Variants in APOOL observed in about 807,000 individuals in gnomAD.
The protein encoded by APOOL is MICOS complex subunit MIC27.
In APOOL, 12 loss-of-function variants were observed where a neutral mutation model predicts 23.1. The observed-to-expected ratio is 0.52, with a 90% CI of 0.33 to 0.84. APOOL has a LOEUF of 0.84. APOOL is among the 40% of genes least tolerant of loss of function. APOOL has a pLI of 0.02. For synonymous variants in APOOL, 77 were observed against 69.9 expected, an observed-to-expected ratio of 1.10 and a Z score of -0.51; for missense variants, 212 against 199.6, an observed-to-expected ratio of 1.06 and a Z score of -0.37.
chrX:85,010,101 A>C (rs755147632), intron 1 of APOOL, among the ~76,000 whole-genome samples: 2 of 111,362 alleles, frequency 1.8e-5, no homozygotes, highest in East Asian at 5.7e-4. Context: ...TAGTGCTGTC[A>C]AGCTACCCTT....
At chrX:85,063,554 T>C (rs1923320667) in intron 5 of APOOL, among the ~76,000 whole-genome samples, 1 of 111,710 alleles carries the variant, frequency 9.0e-6, no homozygotes, top group Admixed American at 9.5e-5. Flanking sequence ...ACCTAGTTTA[T>C]TGAGAGTTTT....
At chrX:85,007,927 T>G (rs1921132484) in intron 1 of APOOL, among the ~76,000 whole-genome samples, 1 of 111,629 alleles carries the variant, frequency 9.0e-6, no homozygotes, top group South Asian at 3.8e-4. Context: ...GTAGGTAACT[T>G]TACCTGTAAG....
chrX:85,064,032 C>T (rs1923343074), intron 5 of APOOL, among the ~76,000 whole-genome samples: 2 of 110,746 alleles, frequency 1.8e-5, no homozygotes, highest in Admixed American at 1.9e-4. Context: ...GTAGGCTATT[C>T]ATTACTGCCT....
intron 1 of APOOL, among the ~76,000 whole-genome samples, chrX:85,021,722 C>T (rs1030999801): frequency 1.8e-5 from 2 of 111,135 alleles, no homozygotes; most frequent in African/African-American, 3.3e-5. Context: ...AAAACTAAGC[C>T]CAAAGTTAGC....
At chrX:85,010,026 AT>A (rs1242895097) in intron 1 of APOOL, among the ~76,000 whole-genome samples, 1 of 111,432 alleles carries the variant, frequency 9.0e-6, no homozygotes, top group African/African-American at 3.3e-5. Context: ...ATATGTACCA[AT>A]TTTTTTAATC....
chrX:85,072,581 C>A (rs5923253), intron 6 of APOOL, among the ~76,000 whole-genome samples: 51,436 of 109,610 alleles, frequency 0.47, 10,694 homozygotes, highest in Middle Eastern at 0.67. Context: ...TCCCTACCCC[C>A]AAAAAGGAAA....
At chrX:85,022,500 A>G (rs987118169) in intron 1 of APOOL, among the ~76,000 whole-genome samples, 13 of 112,214 alleles carry the variant, frequency 1.2e-4, no homozygotes, top group African/African-American at 4.2e-4. Context: ...GATCATGTCA[A>G]TAGATGCAGA....
chrX:85,062,333 A>G (rs765927352), intron 5 of APOOL, among the ~76,000 whole-genome samples: 3 of 111,377 alleles, frequency 2.7e-5, no homozygotes, highest in South Asian at 3.8e-4. Flanking sequence ...GTTCACTCTG[A>G]TGATGGTTCC....
chrX:85,074,152 G>T (rs1923764705), intron 7 of APOOL, 41 bp downstream of exon 7: 2 of 1,138,968 alleles, frequency 1.8e-6, no homozygotes, highest in South Asian at 3.9e-5. Context: ...ATTGAGTTTT[G>T]TTTGGGTGGG....
At chrX:85,024,977 C>T in intron 1 of APOOL, among the ~76,000 whole-genome samples, 1 of 111,949 alleles carries the variant, frequency 8.9e-6, no homozygotes, top group Admixed American at 9.5e-5. Context: ...TTGTGCATTG[C>T]TATAAAGAAA....
chrX:85,009,807 C>G (rs1275169260), intron 1 of APOOL, among the ~76,000 whole-genome samples: 1 of 110,918 alleles, frequency 9.0e-6, no homozygotes, highest in Non-Finnish European at 1.9e-5. Context: ...CCATTACCCT[C>G]AGGTGTCTGT....
chrX:85,080,281 G>A (rs1924042602), intron 8 of APOOL, among the ~76,000 whole-genome samples: 1 of 111,798 alleles, frequency 8.9e-6, no homozygotes, highest in Non-Finnish European at 1.9e-5. Context: ...AGAGATTCTG[G>A]TACGTTGTGT....
At chrX:85,038,191 C>T (rs978254533) in intron 1 of APOOL, among the ~76,000 whole-genome samples, 1 of 111,647 alleles carries the variant, frequency 9.0e-6, no homozygotes, top group Non-Finnish European at 1.9e-5. Context: ...AATTTGCATC[C>T]ATTAAACCAC....
chrX:85,078,709 G>C (rs1198606111), intron 8 of APOOL, among the ~76,000 whole-genome samples: 6 of 111,174 alleles, frequency 5.4e-5, no homozygotes, highest in Non-Finnish European at 9.4e-5. Flanking sequence ...AATATTGATT[G>C]TTCCTATCCA....
At chrX:85,060,013 C>T (rs1223918389) in intron 5 of APOOL, among the ~76,000 whole-genome samples, 149 of 110,575 alleles carry the variant, frequency 1.3e-3, no homozygotes, top group Non-Finnish European at 2.4e-3. Flanking sequence ...GGTTTTAGGT[C>T]TAACATTTAA....
chrX:85,012,277 A>G (rs1293624748), intron 1 of APOOL, among the ~76,000 whole-genome samples: 1 of 111,430 alleles, frequency 9.0e-6, no homozygotes, highest in Non-Finnish European at 1.9e-5. Context: ...GTATACTATC[A>G]TATCATTGGT....
At chrX:85,005,416 C>T (rs1375906814) in intron 1 of APOOL, among the ~76,000 whole-genome samples, 1 of 84,400 alleles carries the variant, frequency 1.2e-5, no homozygotes, top group Non-Finnish European at 2.3e-5. Flanking sequence ...CCCCGGGCCT[C>T]CCAAAGTACT....
At position 85,088,316 on chromosome X, in the gene APOOL, G is replaced by GTTTTTTTTTTTTTTTTTTT. The variant is rs766497759; in HGVS notation, c.*649_*667dup. ...TGTATGGAAAGGTGTGTTTCCCTCT[G>GTTTTTTTTTTTTTTTTTTT]TTTTTTTTTTTTTTTTTTTTTTTTT... On this transcript the variant is annotated 3_prime_UTR_variant, in exon 9 of 9. Coordinates refer to ENST00000373173, the MANE Select transcript of APOOL (RefSeq NM_198450.6). The GTTTTTTTTTTTTTTTTTTT allele has an allele frequency of 1.8e-4, 4 of 22,533 alleles. No individual in the cohort carries two copies. Among genetic ancestry groups the GTTTTTTTTTTTTTTTTTTT allele is most frequent in the African/African-American group, 3.1e-4 (2 of 6,407 alleles). 1.9% of individuals were successfully genotyped at this position (22,533 alleles called of 1,213,427 possible).
intron 2 of APOOL, among the ~76,000 whole-genome samples, chrX:85,048,027 A>G (rs1199004474): frequency 9.0e-6 from 1 of 111,690 alleles, no homozygotes; most frequent in East Asian, 2.8e-4. Context: ...ACCACTTTGT[A>G]TTGAATCTAT....
Sources: gnomAD v4.1 joint callset for allele counts (sites outside exome capture counted in the v4.1 genomes callset) on GRCh38, gnomAD v4.1.1 for gene constraint, MANE v1.5 for transcripts, NCBI Gene and HGNC (gene_info 2026-07-23, HGNC 2026-07-21) for gene names.